Variants in CTSD observed in about 807,000 individuals in gnomAD.
CTSD encodes the protein ceroid-lipofuscinosis, neuronal 10.
Under a neutral mutation model 43.6 loss-of-function variants are expected in CTSD, and 28 were observed. The ratio of observed to expected loss-of-function variants is 0.64; its 90% CI spans 0.48 to 0.88. The LOEUF (loss-of-function observed/expected upper bound fraction) is 0.88. Among genes scored for constraint, CTSD ranks in the 40% least tolerant of loss-of-function variants. CTSD has a pLI of 0.00. For synonymous variants in CTSD, 270 were observed against 249.8 expected (o/e 1.08, Z -0.76); for missense variants, 485 against 555.2 (o/e 0.87, Z 1.27).
intron 5 of CTSD, 147 bp downstream of exon 5, chr11:1,757,177 C>T: frequency 1.4e-6 from 1 of 740,216 alleles, no homozygotes; most frequent in Non-Finnish European, 2.4e-6. Context: ...CAACCCCCGC[C>T]TCCCGGATGC....
At chr11:1,756,900 C>T (rs1845816506) in intron 5 of CTSD, among the ~76,000 whole-genome samples, 2 of 152,204 alleles carry the variant, frequency 1.3e-5, no homozygotes, top group Non-Finnish European at 2.9e-5. Context: ...CCCCGGGGAT[C>T]CCCGGTCCCC....
chr11:1,754,612 G>GGGGATGGAGGGCATGGA (rs368763995), intron 6 of CTSD, among the ~76,000 whole-genome samples: 3 of 135,086 alleles, frequency 2.2e-5, no homozygotes, highest in Non-Finnish European at 4.7e-5. Context: ...AGGGGATGGA[G>GGGGATGGAGGGCATGGA]GGGATGGAGG....
chr11:1,754,473 GGGTCATGGAGAGTCACAGA>G (rs1367695263), intron 6 of CTSD, among the ~76,000 whole-genome samples: 39 of 141,772 alleles, frequency 2.8e-4, no homozygotes, highest in Non-Finnish European at 5.3e-4. Flanking sequence ...AGGGGATGGA[GGGTCATGGAGAGTCACAGA>G]GGGATGTGGG....
chr11:1,755,016 C>T lies in CTSD; in HGVS notation c.717G>A (p.Ala239=), dbSNP rs368699900. The T allele has an allele frequency of 1.1e-5, 17 of 1,613,726 alleles. No homozygotes were observed. Among genetic ancestry groups the T allele is most frequent in the Middle Eastern group, 1.6e-4 (1 of 6,082 alleles). Residue 239 remains alanine (A), a synonymous_variant, in exon 6 of 9, where the codon GCG becomes GCA. Coordinates refer to ENST00000236671, the MANE Select transcript of CTSD (RefSeq NM_001909.5). ...CCAGCATCAGCTCACCCCCAGGCTG[C>T]GCATCTGGGTCCCTAGGAGGAAAAG... ...FSFYLSRDPD[A]QPGGELMLGG...
rs765749835 is a variant in CTSD at position 1,759,504 on chromosome 11, T to G, written c.352+12A>C. 6.2e-7 allele frequency: 1 copy of G among 1,613,066 alleles called. No homozygotes were observed. The highest frequency in any genetic ancestry group is 1.7e-5 in the Admixed American group (1 of 60,024). On this transcript the variant is annotated intron_variant, in intron 3 of 8. Transcript: ENST00000236671. ...CAGGACCTGGGCGACGGGGCCAGGGTTCGTGACTCACAGCAAGCGATGTCC... is the reference window on the plus strand; with the variant it reads ...CAGGACCTGGGCGACGGGGCCAGGGGTCGTGACTCACAGCAAGCGATGTCC...
chr11:1,759,560 A>G lies in CTSD; in HGVS notation c.308T>C (p.Leu103Pro). The G allele has an allele frequency of 6.2e-7, 1 of 1,613,534 alleles. No individual in the cohort carries two copies. Among genetic ancestry groups the G allele is most frequent in the Non-Finnish European group, 8.5e-7 (1 of 1,179,978 alleles). ...TVVFDTGSSN[L>P]WVPSIHCKLL... The stretch of plus-strand genomic sequence containing the variant: ...TTTGCAGTGGATGGAGGGGACCCAC[A>G]GGTTGGAGGAGCCCGTGTCGAAGAC... The change falls in exon 3 of 9, where the codon CTG (leucine) becomes CCG (proline). Residue 103 changes from leucine to proline, a missense_variant. Leu to Pro is a moderately conservative substitution (Grantham distance 98). Transcript: ENST00000236671.
Position 1,753,791 on chromosome 11 carries a change from T to C in CTSD, c.1071+12A>G, listed in dbSNP as rs113936232. 2.6e-4 allele frequency: 415 copies of C among 1,612,396 alleles called. 1 individual carries two copies. Among genetic ancestry groups the C allele is most frequent in the Middle Eastern group, 1.7e-3 (10 of 6,060 alleles). The stretch of plus-strand genomic sequence containing the variant: ...CTCACCTGGGGCGTGCGGCACCCCA[T>C]TGCCCGCTCACCTTGAGCGTGTAGT... On this transcript the variant is annotated intron_variant, in intron 8 of 8. Transcript: ENST00000236671.
Position 1,761,436 on chromosome 11 carries a change from C to T in CTSD, c.101G>A (p.Arg34Gln), listed in dbSNP as rs1240316419. The T allele has an allele frequency of 3.7e-6, 6 of 1,613,770 alleles. No homozygotes were observed. Among genetic ancestry groups the T allele is most frequent in the African/African-American group, 1.3e-5 (1 of 74,924 alleles). The change falls in exon 2 of 9, where the codon CGG becomes CAG. Residue 34 changes from arginine (R) to glutamine (Q), a missense_variant. Transcript: ENST00000236671. Reference sequence around the variant, plus strand: ...AGAGCCCCCAACCTCCGACATGGTCCGGCGGATGGACGTGAACTTGTGCAG... The same window carrying T: ...AGAGCCCCCAACCTCCGACATGGTCTGGCGGATGGACGTGAACTTGTGCAG... ...IPLHKFTSIR[R>Q]TMSEVGGSVE...
Position 1,754,886 on chromosome 11 carries a change from CG to C in CTSD, c.827+19del. On this transcript the variant is annotated intron_variant, in intron 6 of 8. Coordinates refer to ENST00000236671, the MANE Select transcript of CTSD (RefSeq NM_001909.5). ...CCCCGCCCACAGAACCCAGGGGAGCCGACTGCAGCCACTACTCACTGGTCCA... is the reference window on the plus strand; with the variant it reads ...CCCCGCCCACAGAACCCAGGGGAGCCACTGCAGCCACTACTCACTGGTCCA... 1.9e-6 allele frequency: 3 copies of C among 1,613,494 alleles called. No individual in the cohort carries two copies. The highest frequency in any genetic ancestry group is 2.5e-6 in the Non-Finnish European group (3 of 1,179,840).
intron 4 of CTSD, 46 bp from the exon 5 acceptor site, chr11:1,757,602 T>C (rs1379354312): frequency 2.0e-6 from 3 of 1,466,610 alleles, no homozygotes; most frequent in Non-Finnish European, 2.8e-6. Context: ...GGCTGAGCCC[T>C]ACACCACTCC....
intron 6 of CTSD, among the ~76,000 whole-genome samples, chr11:1,754,506 G>A (rs1440342121): frequency 1.8e-5 from 2 of 111,398 alleles, no homozygotes; most frequent in Non-Finnish European, 4.0e-5. Flanking sequence ...ATGTGGGGAT[G>A]GAGGGATGGA....
chr11:1,754,267 G>A (rs1845768014), intron 6 of CTSD, 129 bp from the exon 7 acceptor site: 2 of 1,137,376 alleles, frequency 1.8e-6, no homozygotes, highest in Non-Finnish European at 2.5e-6. Flanking sequence ...TGGAAGCACA[G>A]CCGGCTGTAA....
chr11:1,761,047 C>T (rs765953990), intron 2 of CTSD: 36 of 516,210 alleles, frequency 7.0e-5, no homozygotes, highest in Middle Eastern at 5.3e-4. Context: ...CCCCCTCAGG[C>T]GAGCTGGCAC....
Position 1,753,446 on chromosome 11 carries a change from GCC to G in CTSD, c.*55_*56del. ...TGTGGGAGGGGCCGCTGGGCCAGGG[GCC>G]TCCTGCTCTGGGACTCTCCTCTGTT... On this transcript the variant is annotated 3_prime_UTR_variant, in exon 9 of 9. Transcript: ENST00000236671. 6.2e-7 allele frequency: 1 copy of G among 1,600,938 alleles called. No individual in the cohort carries two copies. Among genetic ancestry groups the G allele is most frequent in the Non-Finnish European group, 8.6e-7 (1 of 1,169,434 alleles).
At chr11:1,760,299 G>C (rs565078017) in intron 2 of CTSD, 2 of 152,550 alleles carry the variant, frequency 1.3e-5, no homozygotes, top group Non-Finnish European at 2.9e-5. Flanking sequence ...CTGACTCAGG[G>C]ATCAGGCAAG....
Position 1,757,455 on chromosome 11 carries a change from G to C in CTSD, c.573C>G (p.Ile191Met). The C allele has an allele frequency of 6.2e-7, 1 of 1,614,112 alleles. No homozygotes were observed. Among genetic ancestry groups the C allele is most frequent in the Non-Finnish European group, 8.5e-7 (1 of 1,180,016 alleles). ...CCAGGATGCCATCGAACTTGGCTGC[G>C]ATGAAGGTGATGCCTGGCTGCTTGG... ...EATKQPGITF[I>M]AAKFDGILGM... The change falls in exon 5 of 9, where the codon ATC becomes ATG. Residue 191 changes from isoleucine to methionine, a missense_variant. Physicochemically the swap from Ile to Met is conservative, Grantham distance 10. Coordinates refer to ENST00000236671, the MANE Select transcript of CTSD (RefSeq NM_001909.5).
chr11:1,760,943 G>A (rs960095882), intron 2 of CTSD: 6 of 343,386 alleles, frequency 1.7e-5, no homozygotes, highest in African/African-American at 1.3e-4. Flanking sequence ...ATGGGGAGGG[G>A]CTGGGGAGGC....
At chr11:1,758,831 C>A (rs117666717) in intron 4 of CTSD, 138 bp downstream of exon 4, 1 of 766,132 alleles carries the variant, frequency 1.3e-6, no homozygotes, top group African/African-American at 1.7e-5. Context: ...CCTCCTCACC[C>A]TGCTGACTGC....
chr11:1,753,479 G>A lies in CTSD; in HGVS notation c.*24C>T. 6.2e-7 allele frequency: 1 copy of A among 1,612,816 alleles called. No homozygotes were observed. Among genetic ancestry groups the A allele is most frequent in the Non-Finnish European group, 8.5e-7 (1 of 1,179,790 alleles). Reference sequence around the variant, plus strand: ...CTCTGGGACTCTCCTCTGTTTCTGTGCTGGCGCGCGGACGCCTTGGGAACT... The same window carrying A: ...CTCTGGGACTCTCCTCTGTTTCTGTACTGGCGCGCGGACGCCTTGGGAACT... On this transcript the variant is annotated 3_prime_UTR_variant, in exon 9 of 9. Transcript: ENST00000236671.
Sources: gnomAD v4.1 joint callset for allele counts (sites outside exome capture counted in the v4.1 genomes callset) on GRCh38, gnomAD v4.1.1 for gene constraint, MANE v1.5 for transcripts, NCBI Gene and HGNC (gene_info 2026-07-23, HGNC 2026-07-21) for gene names.